The following MYO5B variants were observed in gnomAD, a reference collection of about 807,000 sequenced individuals.
The protein encoded by MYO5B is unconventional myosin-Vb.
In MYO5B, 143 loss-of-function variants were observed where a neutral mutation model predicts 229.3. The ratio of observed to expected loss-of-function variants is 0.62; its 90% CI spans 0.54 to 0.72. MYO5B has a LOEUF of 0.72. MYO5B is among the 30% of genes least tolerant of loss of function. MYO5B has a pLI of 0.00. For synonymous variants in MYO5B, 918 were observed against 885.2 expected (o/e 1.04, Z -0.66); for missense variants, 2,321 against 2,331.0 (o/e 1.00, Z 0.09).
chr18:49,879,504 AAAG>A (rs1211337588), intron 23 of MYO5B: 4 of 247,910 alleles, frequency 1.6e-5, no homozygotes, highest in Non-Finnish European at 2.4e-5. Flanking sequence ...GGGTAAAAGG[AAAG>A]AAGGCAAATA....
At chr18:50,166,077 A>C (rs915692582) in intron 1 of MYO5B, among the ~76,000 whole-genome samples, 6 of 152,194 alleles carry the variant, frequency 3.9e-5, no homozygotes, top group Admixed American at 1.3e-4. Flanking sequence ...CAGCAACCAG[A>C]AAAGTCATCA....
In MYO5B at chr18:49,937,347, G is replaced by A. The variant is rs769585038; in HGVS notation, c.1803C>T (p.Ala601=). The part of the protein sequence containing the change: ...LFHDDKDPVP[A]TTPGKGSSSK... ...AAGATGACCCCTTCCCAGGGGTGGT[G>A]GCAGGAACAGGGTCCTTGTCATCAT... Residue 601 remains alanine (A), a synonymous_variant, in exon 15 of 40, where the codon GCC becomes GCT. Coordinates refer to ENST00000285039, the MANE Select transcript of MYO5B (RefSeq NM_001080467.3). 1 of 1,614,008 alleles carries A rather than the reference G, an allele frequency of 6.2e-7. No homozygotes were observed. The highest frequency in any genetic ancestry group is 8.5e-7 in the Non-Finnish European group (1 of 1,179,886).
rs1555658017 is a variant in MYO5B, at chr18:50,090,351, A to AAAAG, written c.28-34974_28-34973insCTTT. On this transcript the variant is annotated intron_variant, in intron 1 of 39. Coordinates refer to ENST00000285039, the MANE Select transcript of MYO5B (RefSeq NM_001080467.3). ...GAGCAAGACCCTCAAAAAAAAAAAA[A>AAAAG]AAAATTCCCTCTGAGGGAAATTAAC... 9.3e-3 allele frequency among the ~76,000 whole-genome samples: 1,406 copies of AAAAG among 151,684 alleles called. 29 individuals are homozygous for AAAAG. The highest frequency in any genetic ancestry group is 0.032 in the African/African-American group (1,327 of 41,244).
intron 1 of MYO5B, among the ~76,000 whole-genome samples, chr18:50,072,231 T>C (rs995880451): frequency 1.3e-4 from 20 of 149,366 alleles, no homozygotes; most frequent in Admixed American, 2.0e-4. Flanking sequence ...AGGAACCATT[T>C]TTAAAAAGAG....
chr18:50,102,641 ACCTGGCTC>A (rs369381119), intron 1 of MYO5B, among the ~76,000 whole-genome samples: 1 of 152,180 alleles, frequency 6.6e-6, no homozygotes, highest in East Asian at 1.9e-4. Flanking sequence ...GAGAATCAGA[ACCTGGCTC>A]TGGAGTATAG....
At chr18:50,175,002 C>T (rs752478904) in intron 1 of MYO5B, among the ~76,000 whole-genome samples, 37 of 152,172 alleles carry the variant, frequency 2.4e-4, no homozygotes, top group African/African-American at 8.9e-4. Flanking sequence ...TTGGATCTGT[C>T]GTTAATGAGA....
intron 1 of MYO5B, among the ~76,000 whole-genome samples, chr18:50,111,534 A>G (rs917003362): frequency 1.3e-5 from 2 of 152,200 alleles, no homozygotes; most frequent in African/African-American, 4.8e-5. Context: ...CCTTGGGTAA[A>G]TTTAGATAAG....
chr18:49,877,632 C>T lies in MYO5B; in HGVS notation c.3396+131G>A. ...CCACTGTAGTCCAAGTGATCCTGCT[C>T]TTGAGAATTAGCCCCTGGGCACTCT... On this transcript the variant is annotated intron_variant, in intron 25 of 39. Transcript: ENST00000285039. The T allele has an allele frequency of 2.4e-6, 3 of 1,232,502 alleles. No homozygotes were observed. The East Asian group carries it at 7.5e-5, about 31-fold the overall frequency. 76.3% of individuals were successfully genotyped at this position (1,232,502 alleles called of 1,614,324 possible).
intron 7 of MYO5B, among the ~76,000 whole-genome samples, chr18:49,986,140 C>G (rs767546471): frequency 1.3e-5 from 2 of 152,200 alleles, no homozygotes; most frequent in South Asian, 4.1e-4. Context: ...ACCACATACC[C>G]TCCAGACTCA....
intron 35 of MYO5B, 54 bp from the exon 36 acceptor site, chr18:49,839,348 C>CA: frequency 6.3e-7 from 1 of 1,597,656 alleles, no homozygotes; most frequent in Non-Finnish European, 8.5e-7. Context: ...GGGCCCAGCA[C>CA]AACTTCCAGG....
chr18:49,875,905 C>T (rs2024516870), intron 25 of MYO5B, 78 bp from the exon 26 acceptor site: 1 of 1,547,544 alleles, frequency 6.5e-7, no homozygotes, highest in Middle Eastern at 1.8e-4. Context: ...TCACTGCCTC[C>T]CTCTATATCA....
intron 16 of MYO5B, among the ~76,000 whole-genome samples, chr18:49,933,453 G>A (rs2025216423): frequency 6.6e-6 from 1 of 152,240 alleles, no homozygotes; most frequent in South Asian, 2.1e-4. Context: ...CTAGTAAGAG[G>A]TATGATAGAT....
At chr18:50,095,124 C>G (rs1008442884) in intron 1 of MYO5B, among the ~76,000 whole-genome samples, 4 of 152,214 alleles carry the variant, frequency 2.6e-5, no homozygotes, top group African/African-American at 7.2e-5. Context: ...GCCACCACAA[C>G]TGGCCGAAAT....
intron 35 of MYO5B, 130 bp from the exon 36 acceptor site, chr18:49,839,424 G>T: frequency 2.0e-6 from 2 of 1,000,444 alleles, no homozygotes; most frequent in Non-Finnish European, 3.1e-6. Context: ...CTATGTAGAT[G>T]ATGTTTTACA....
intron 3 of MYO5B, 99 bp downstream of exon 3, chr18:50,040,044 G>C (rs190347220): frequency 3.9e-5 from 51 of 1,309,660 alleles, no homozygotes; most frequent in Non-Finnish European, 5.1e-5. Flanking sequence ...ACTTACAAAT[G>C]AGAGAGTGAA....
At chr18:50,152,864 T>TAAAAAAAAAAAAAAAA (rs67858852) in intron 1 of MYO5B, among the ~76,000 whole-genome samples, 1 of 125,442 alleles carries the variant, frequency 8.0e-6, no homozygotes, top group Non-Finnish European at 1.7e-5. Context: ...TTCTCAAAAC[T>TAAAAAAAAAAAAAAAA]AAAAAAAAAA....
At position 50,055,354 on chromosome 18, in the gene MYO5B, G is replaced by T; in HGVS notation, c.52C>A (p.Pro18Thr). The part of the protein sequence containing the change: ...SQCTRVWIPD[P>T]DEVWRSAELT... ...TCAGCTGAGCGCCATACCTCATCAG[G>T]GTCAGGGATCCAGACCCTTGTGCAC... The change falls in exon 2 of 40, where the codon CCT (proline) becomes ACT (threonine). Residue 18 changes from proline (P) to threonine (T), a missense_variant. Physicochemically the swap from Pro to Thr is conservative, Grantham distance 38 (BLOSUM62 -1). This residue lies in a region of MYO5B where 2,113 missense variants were observed against 2,044.7 expected (regional missense o/e 1.03). Transcript: ENST00000285039. 6.2e-7 allele frequency: 1 copy of T among 1,613,538 alleles called. No individual in the cohort carries two copies. The highest frequency in any genetic ancestry group is 1.1e-5 in the South Asian group (1 of 91,044).
At chr18:49,968,288 G>A (rs910854978) in intron 10 of MYO5B, among the ~76,000 whole-genome samples, 5 of 152,298 alleles carry the variant, frequency 3.3e-5, no homozygotes, top group African/African-American at 4.8e-5. Flanking sequence ...GGGAGGAAAA[G>A]AGTTTTTACT....
intron 4 of MYO5B, among the ~76,000 whole-genome samples, chr18:50,022,266 A>T (rs1237791600): frequency 6.6e-6 from 1 of 152,230 alleles, no homozygotes; most frequent in African/African-American, 2.4e-5. Context: ...GGGAAGATGT[A>T]TAACTCCGCT....
Sources: allele counts gnomAD v4.1 joint callset (sites outside exome capture counted in the v4.1 genomes callset), GRCh38; gene constraint gnomAD v4.1.1; regional missense constraint gnomAD v4.1.1; transcripts MANE v1.5; gene names NCBI Gene and HGNC (gene_info 2026-07-23, HGNC 2026-07-21).